GPT2: variants seen among roughly 807,000 people sequenced by gnomAD.
GPT2 encodes glutamic--pyruvic transaminase 2.
In GPT2, 30 loss-of-function variants were observed where a neutral mutation model predicts 56.9. That is an observed-to-expected ratio of 0.53 (90% CI 0.39 to 0.72). The LOEUF is 0.72. Ranked by LOEUF, GPT2 falls within the 30% of genes least tolerant of loss-of-function variation. The pLI is 0.00. For missense variants in GPT2, 542 were observed against 703.4 expected (o/e 0.77, Z 2.60); for synonymous variants, 271 against 283.1 (o/e 0.96, Z 0.43).
At chr16:46,907,164 C>G (rs1423573761) in intron 5 of GPT2, among the ~76,000 whole-genome samples, 189 bp downstream of exon 5, 1 of 152,220 alleles carries the variant, frequency 6.6e-6, no homozygotes, top group African/African-American at 2.4e-5. Context: ...GACACTACTG[C>G]AGCCTCGATT....
At chr16:46,911,903 C>T (rs1376495386) in intron 6 of GPT2, among the ~76,000 whole-genome samples, 1 of 152,204 alleles carries the variant, frequency 6.6e-6, no homozygotes, top group South Asian at 2.1e-4. Context: ...GAGAAGAAGT[C>T]ATTGTACCAG....
intron 5 of GPT2, among the ~76,000 whole-genome samples, chr16:46,907,283 C>T (rs1302008383): frequency 6.6e-6 from 1 of 152,242 alleles, no homozygotes; most frequent in East Asian, 1.9e-4. Flanking sequence ...TCCTCCTGTG[C>T]CAGGTGCTGG....
Position 46,909,713 on chromosome 16 carries a change from C to T in GPT2, c.606C>T (p.Gly202=), listed in dbSNP as rs368500842. Residue 202 remains glycine (G), a synonymous_variant, in exon 6 of 12, where the codon GGC becomes GGT. Coordinates refer to ENST00000340124, the MANE Select transcript of GPT2 (RefSeq NM_133443.4). ...TCCTGAAGATCCTCGTCTCCGGGGG[C>T]GGCAAGTCACGGACAGGTGTGATGA... ...STILKILVSG[G]GKSRTGVMIP... 3.8e-5 allele frequency: 61 copies of T among 1,613,664 alleles called. No homozygotes were observed. Among genetic ancestry groups the T allele is most frequent in the Non-Finnish European group, 4.7e-5 (55 of 1,179,792 alleles).
At chr16:46,904,520 G>A (rs1960882367) in intron 4 of GPT2, among the ~76,000 whole-genome samples, 1 of 152,220 alleles carries the variant, frequency 6.6e-6, no homozygotes, top group South Asian at 2.1e-4. Context: ...GACTAGAAAT[G>A]AGCCTAGAAG....
chr16:46,906,060 T>A (rs1006753115), intron 4 of GPT2, among the ~76,000 whole-genome samples: 4 of 152,102 alleles, frequency 2.6e-5, no homozygotes, highest in African/African-American at 9.7e-5. Context: ...CCAGTGGTGC[T>A]AATGTGGGGT....
chr16:46,903,070 G>A (rs564752181), intron 4 of GPT2, among the ~76,000 whole-genome samples: 26 of 152,082 alleles, frequency 1.7e-4, no homozygotes, highest in East Asian at 4.0e-4. Context: ...CCAACTTGGC[G>A]AAACCCTGTC....
intron 3 of GPT2, 53 bp downstream of exon 3, chr16:46,897,790 C>T (rs1354236719): frequency 5.8e-6 from 9 of 1,547,520 alleles, no homozygotes; most frequent in African/African-American, 2.7e-5. Flanking sequence ...CTGGGCTGGG[C>T]GGGCCGTCAT....
intron 6 of GPT2, chr16:46,915,493 CA>C (rs1961131840): frequency 6.7e-6 from 1 of 149,482 alleles, no homozygotes; most frequent in Non-Finnish European, 1.5e-5. Flanking sequence ...ACACACCATA[CA>C]CAGACACCCC....
At chr16:46,903,841 A>G (rs1567336841) in intron 4 of GPT2, among the ~76,000 whole-genome samples, 1 of 152,200 alleles carries the variant, frequency 6.6e-6, no homozygotes, top group Non-Finnish European at 1.5e-5. Flanking sequence ...AACAAACATG[A>G]AAAAGAATAT....
Position 46,893,278 on chromosome 16 carries a change from G to A in GPT2, c.244-4370G>A, listed in dbSNP as rs1406930419. 6.6e-5 allele frequency among the ~76,000 whole-genome samples: 10 copies of A among 152,142 alleles called. No individual in the cohort carries two copies. The East Asian group carries it at 1.9e-3, about 29-fold the overall frequency. ...CCCAAATAGCTGGGACTACAGGCGCGTGCCACCACGCCTGGCAAATTTTTT... is the reference window on the plus strand; with the variant it reads ...CCCAAATAGCTGGGACTACAGGCGCATGCCACCACGCCTGGCAAATTTTTT... On this transcript the variant is annotated intron_variant, in intron 2 of 11. Transcript: ENST00000340124.
intron 6 of GPT2, chr16:46,915,703 GAT>G: frequency 7.8e-6 from 1 of 128,022 alleles, no homozygotes; most frequent in East Asian, 2.5e-4. Flanking sequence ...ACCACACACA[GAT>G]ACACACACAC....
intron 4 of GPT2, among the ~76,000 whole-genome samples, chr16:46,906,429 C>T (rs904310592): frequency 5.3e-5 from 8 of 152,192 alleles, no homozygotes; most frequent in African/African-American, 1.9e-4. Flanking sequence ...TGTAGGCAAC[C>T]ATGGTAAAGG....
At chr16:46,917,324 G>C (rs1430049229) in intron 7 of GPT2, among the ~76,000 whole-genome samples, 1 of 152,144 alleles carries the variant, frequency 6.6e-6, no homozygotes, top group Non-Finnish European at 1.5e-5. Context: ...GGCCAATTGA[G>C]GGGGCTCCTA....
At chr16:46,890,388 C>T (rs1960563522) in intron 2 of GPT2, among the ~76,000 whole-genome samples, 1 of 152,170 alleles carries the variant, frequency 6.6e-6, no homozygotes, top group African/African-American at 2.4e-5. Flanking sequence ...CTCTCCCACA[C>T]CCTGCCATTC....
chr16:46,921,401 G>A (rs138211743), intron 8 of GPT2, among the ~76,000 whole-genome samples: 14 of 152,136 alleles, frequency 9.2e-5, no homozygotes, highest in African/African-American at 3.4e-4. Flanking sequence ...TTGAACTCCT[G>A]ACCTCAAGTG....
At chr16:46,885,541 G>A (rs1960467509) in intron 2 of GPT2, 1 of 985,242 alleles carries the variant, frequency 1.0e-6, no homozygotes, top group Non-Finnish European at 1.2e-6. Context: ...AGCCTTGGCC[G>A]ACCAGCCACT....
At chr16:46,889,273 A>G (rs1262094971) in intron 2 of GPT2, among the ~76,000 whole-genome samples, 1 of 17,572 alleles carries the variant, frequency 5.7e-5, no homozygotes, top group Non-Finnish European at 1.8e-4. Context: ...TTTTTTTTTT[A>G]AAGAGACAGA....
At chr16:46,927,308 G>A (rs1337525270) in intron 11 of GPT2, among the ~76,000 whole-genome samples, 1 of 152,194 alleles carries the variant, frequency 6.6e-6, no homozygotes, top group Admixed American at 6.5e-5. Flanking sequence ...TCCCATCGCT[G>A]TCTGAAATGT....
intron 8 of GPT2, among the ~76,000 whole-genome samples, chr16:46,921,371 C>T (rs1331950427): frequency 1.3e-5 from 2 of 152,120 alleles, no homozygotes; most frequent in East Asian, 3.9e-4. Context: ...ACGGGTTTCA[C>T]CATGTTGGCC....
Sources: gnomAD v4.1 joint callset for allele counts (sites outside exome capture counted in the v4.1 genomes callset) on GRCh38, gnomAD v4.1.1 for gene constraint, MANE v1.5 for transcripts, NCBI Gene and HGNC (gene_info 2026-07-23, HGNC 2026-07-21) for gene names.